EIF2B4: variants seen among roughly 807,000 people sequenced by gnomAD.
EIF2B4 encodes the protein eukaryotic translation initiation factor 2B subunit delta, also known as translation initiation factor eIF2B subunit delta.
A neutral mutation model predicts 66.7 loss-of-function variants in EIF2B4; 34 were observed. The ratio of observed to expected loss-of-function variants is 0.51; its 90% confidence interval spans 0.39 to 0.68. The LOEUF (loss-of-function observed/expected upper bound fraction) is 0.68. EIF2B4 is among the 30% of genes least tolerant of loss of function. The pLI, the probability that EIF2B4 is intolerant of heterozygous loss-of-function variation, is 0.00. For missense variants in EIF2B4, 618 were observed against 657.9 expected (o/e 0.94, Z 0.66); for synonymous variants, 278 against 253.6 (o/e 1.10, Z -0.92).
chr2:27,365,035 A>C, intron 11 of EIF2B4, 137 bp from the exon 12 acceptor site: 6 of 870,400 alleles, frequency 6.9e-6, no homozygotes, highest in Non-Finnish European at 1.1e-5. Context: ...AGAAACAAAA[A>C]CAGACAACAA....
intron 6 of EIF2B4, 102 bp from the exon 7 acceptor site, chr2:27,368,241 A>G: frequency 7.7e-7 from 1 of 1,296,994 alleles, no homozygotes. Flanking sequence ...AGATTTCCCC[A>G]CTCCTCTACA....
At chr2:27,364,948 C>CA in intron 11 of EIF2B4, 50 bp from the exon 12 acceptor site, 4 of 1,573,864 alleles carry the variant, frequency 2.5e-6, no homozygotes, top group Non-Finnish European at 3.5e-6. Context: ...TGTATCAATG[C>CA]AAAATAAGGT....
chr2:27,367,442 T>G lies in EIF2B4; in HGVS notation c.885+15A>C. On this transcript the variant is annotated intron_variant, in intron 9 of 12. Transcript: ENST00000347454. Reference sequence around the variant, plus strand: ...CCCACAGGTGCATGCCTTCCTTATTTCTCATACTCATCACCTCCTCTTCCC... The same window carrying G: ...CCCACAGGTGCATGCCTTCCTTATTGCTCATACTCATCACCTCCTCTTCCC... 1 of 1,613,960 alleles carries G rather than the reference T, an allele frequency of 6.2e-7. No individual in the cohort carries two copies. Among genetic ancestry groups the G allele is most frequent in the South Asian group, 1.1e-5 (1 of 91,070 alleles).
chr2:27,370,282 A>T lies in EIF2B4; in HGVS notation c.31+2T>A. 6.5e-7 allele frequency: 1 copy of T among 1,547,042 alleles called. No individual in the cohort carries two copies. Among genetic ancestry groups the T allele is most frequent in the Non-Finnish European group, 8.7e-7 (1 of 1,149,172 alleles). ...AGTAGGCAGGCCCGGCTCTTCACTCACCCTCGCGAACAGCCACGGCCACAG... is the reference window on the plus strand; with the variant it reads ...AGTAGGCAGGCCCGGCTCTTCACTCTCCCTCGCGAACAGCCACGGCCACAG... On this transcript the variant is annotated splice_donor_variant, in intron 1 of 12. Transcript: ENST00000347454. LOFTEE classifies it high-confidence loss of function.
chr2:27,364,963 T>A, intron 11 of EIF2B4, 65 bp from the exon 12 acceptor site: 1 of 1,518,906 alleles, frequency 6.6e-7, no homozygotes, highest in Non-Finnish European at 9.0e-7. Flanking sequence ...TAAGGTCCCC[T>A]ACTTACAGGA....
chr2:27,369,650 T>C (rs1682203562), intron 2 of EIF2B4, 101 bp from the exon 3 acceptor site: 13 of 1,589,220 alleles, frequency 8.2e-6, no homozygotes, highest in Middle Eastern at 1.7e-4. Context: ...AATCCCTAGT[T>C]CTTCCTAACT....
chr2:27,367,198 T>C lies in EIF2B4; in HGVS notation c.889A>G (p.Lys297Glu). 1 of 1,614,178 alleles carries C rather than the reference T, an allele frequency of 6.2e-7. No homozygotes were observed. Among genetic ancestry groups the C allele is most frequent in the Non-Finnish European group, 8.5e-7 (1 of 1,180,038 alleles). The change falls in exon 10 of 13, where the codon AAG becomes GAG. Residue 297 changes from lysine (K) to glutamate (E), a missense_variant. By Grantham distance (56) the Lys-to-Glu change is moderately conservative (BLOSUM62 1). Coordinates refer to ENST00000347454, the MANE Select transcript of EIF2B4 (RefSeq NM_001034116.2). ...TCAATGGCTGCTCGAAGTTCTGACT[T>C]GGCCTAAATGGAGTAAAATCCTTAG... ...VGSSKREEEA[K>E]SELRAAIDRY...
intron 3 of EIF2B4, 54 bp from the exon 4 acceptor site, chr2:27,369,266 C>A (rs950256969): frequency 3.5e-5 from 56 of 1,606,692 alleles, no homozygotes; most frequent in Non-Finnish European, 4.8e-5. Context: ...ATATCCGTGC[C>A]CCAGCTAAAA....
At chr2:27,368,769 G>A (rs1682067915) in intron 4 of EIF2B4, 36 bp from the exon 5 acceptor site, 1 of 1,602,870 alleles carries the variant, frequency 6.2e-7, no homozygotes, top group African/African-American at 1.3e-5. Context: ...GGACACTGTA[G>A]GTCTTGAAAT....
chr2:27,369,647 A>C, intron 2 of EIF2B4, 98 bp from the exon 3 acceptor site: 1 of 1,593,542 alleles, frequency 6.3e-7, no homozygotes, highest in Non-Finnish European at 8.6e-7. Flanking sequence ...TTAAATCCCT[A>C]GTTCTTCCTA....
chr2:27,366,124 G>C (rs527607250), intron 11 of EIF2B4: 1 of 107,628 alleles, frequency 9.3e-6, no homozygotes. Context: ...GTGCGTGCGC[G>C]CGCGCACGCA....
At chr2:27,365,369 A>C (rs1199257719) in intron 11 of EIF2B4, among the ~76,000 whole-genome samples, 1 of 146,696 alleles carries the variant, frequency 6.8e-6, no homozygotes, top group Admixed American at 6.9e-5. Flanking sequence ...TCCGGCAATT[A>C]ATAAATCCTT....
At position 27,368,031 on chromosome 2, in the gene EIF2B4, C is replaced by G; in HGVS notation, c.699G>C (p.Leu233Phe). 1 of 1,583,394 alleles carries G rather than the reference C, an allele frequency of 6.3e-7. No homozygotes were observed. The highest frequency in any genetic ancestry group is 1.3e-5 in the African/African-American group (1 of 74,418). The part of the protein sequence containing the change: ...NARCIALLRA[L>F]QQVIQDYTTP... ...AGAACAGGATGGGACATACCTGCTGCAAGGCACGAAGCAGGGCAATACACC... is the reference window on the plus strand; with the variant it reads ...AGAACAGGATGGGACATACCTGCTGGAAGGCACGAAGCAGGGCAATACACC... The change falls in exon 7 of 13, where the codon TTG becomes TTC. Residue 233 changes from leucine (L) to phenylalanine (F), a missense_variant. Physicochemically the swap from Leu to Phe is conservative, Grantham distance 22. Transcript: ENST00000347454.
At position 27,366,830 on chromosome 2, in the gene EIF2B4, G is replaced by A. The variant is rs113994035; in HGVS notation, c.1120C>T (p.Arg374Cys). 78 of 1,614,096 alleles carry A rather than the reference G, an allele frequency of 4.8e-5. No homozygotes were observed. Among genetic ancestry groups the A allele is most frequent in the Admixed American group, 3.5e-4 (21 of 60,008 alleles). The change falls in exon 11 of 13, where the codon CGT (arginine) becomes TGT (cysteine). Residue 374 changes from arginine (R) to cysteine (C), a missense_variant. Transcript: ENST00000347454. ...RPWLEGRHTL[R>C]SLVHAGVPAS... Reference sequence around the variant, plus strand: ...GGGACACCAGCATGGACTAGAGAACGTAGTGTGTGCCTTCCTTCCAGCCAT... The same window carrying A: ...GGGACACCAGCATGGACTAGAGAACATAGTGTGTGCCTTCCTTCCAGCCAT...
rs530363694 is a variant in EIF2B4 at position 27,369,168 on chromosome 2, T to A, written c.256A>T (p.Thr86Ser). ...CCAGCTGGAACTTTCTCCCGAGGAGTGCCCAACTGAATGCCCGATTCTGGC... is the reference window on the plus strand; with the variant it reads ...CCAGCTGGAACTTTCTCCCGAGGAGAGCCCAACTGAATGCCCGATTCTGGC... ...ELPESGIQLG[T>S]PREKVPAGRS... is the part of the protein sequence containing the mutation. The change falls in exon 4 of 13, where the codon ACT becomes TCT. Residue 86 changes from threonine to serine, a missense_variant. Transcript: ENST00000347454. The A allele has an allele frequency of 1.2e-6, 2 of 1,613,162 alleles. No individual in the cohort carries two copies. The highest frequency in any genetic ancestry group is 1.3e-5 in the African/African-American group (1 of 74,878).
At chr2:27,369,607 C>G in intron 2 of EIF2B4, 58 bp from the exon 3 acceptor site, 1 of 1,612,012 alleles carries the variant, frequency 6.2e-7, no homozygotes, top group Non-Finnish European at 8.5e-7. Context: ...GGAACAAATA[C>G]TATTGGATGC....
Position 27,367,828 on chromosome 2 carries a change from G to A in EIF2B4, c.706-6C>T. On this transcript the variant is annotated splice_region_variant and splice_polypyrimidine_tract_variant and intron_variant, in intron 7 of 12. Transcript: ENST00000347454. Reference sequence around the variant, plus strand: ...GTTGTGTAATCCTGAATCACCTATAGGGTACACAAGGTGATCTGCAAAATA... The same window carrying A: ...GTTGTGTAATCCTGAATCACCTATAAGGTACACAAGGTGATCTGCAAAATA... 4 of 1,613,486 alleles carry A rather than the reference G, an allele frequency of 2.5e-6. No individual in the cohort carries two copies. The highest frequency in any genetic ancestry group is 3.4e-6 in the Non-Finnish European group (4 of 1,179,450).
chr2:27,364,497 G>A lies in EIF2B4; in HGVS notation c.1475C>T (p.Thr492Ile). 4 of 1,614,188 alleles carry A rather than the reference G, an allele frequency of 2.5e-6. No homozygotes were observed. Among genetic ancestry groups the A allele is most frequent in the Non-Finnish European group, 3.4e-6 (4 of 1,180,040 alleles). Residue 492 changes from threonine to isoleucine, a missense_variant, in exon 13 of 13, where the codon ACT (threonine) becomes ATT (isoleucine). Coordinates refer to ENST00000347454, the MANE Select transcript of EIF2B4 (RefSeq NM_001034116.2). The stretch of plus-strand genomic sequence containing the variant: ...CACCAGATCCACAAGCTCTGGGGGA[G>A]TCACATCATAGACTAGATTCAACAA... ...LRLLNLVYDV[T>I]PPELVDLVIT...
At chr2:27,368,181 A>G (rs756631265) in intron 6 of EIF2B4, 42 bp from the exon 7 acceptor site, 1 of 1,499,898 alleles carries the variant, frequency 6.7e-7, no homozygotes, top group South Asian at 1.2e-5. Context: ...AGGGAGCTTG[A>G]GCATCTACTG....
Sources: allele counts gnomAD v4.1 joint callset (sites outside exome capture counted in the v4.1 genomes callset), GRCh38; gene constraint gnomAD v4.1.1; transcripts MANE v1.5; gene names NCBI Gene and HGNC (gene_info 2026-07-23, HGNC 2026-07-21).